The following SOX6 variants were observed in gnomAD, a reference collection of about 807,000 sequenced individuals.
SOX6 encodes the protein SRY-box transcription factor 6, also known as transcription factor SOX-6.
Under a neutral mutation model 97.8 loss-of-function variants are expected in SOX6, and 11 were observed. The ratio of observed to expected loss-of-function variants is 0.11; its 90% CI spans 0.07 to 0.19. The LOEUF (loss-of-function observed/expected upper bound fraction) is 0.19, where lower values mean the gene tolerates loss of function less well. Ranked by LOEUF, SOX6 falls within the 10% of genes least tolerant of loss-of-function variation. The pLI is 1.00. For missense variants in SOX6, 810 were observed against 1,039.5 expected, an observed-to-expected ratio of 0.78 and a Z score of 3.04; for synonymous variants, 360 against 371.4, an observed-to-expected ratio of 0.97 and a Z score of 0.35.
At chr11:16,131,092 GA>G (rs375795103) in intron 6 of SOX6, among the ~76,000 whole-genome samples, 5 of 144,184 alleles carry the variant, frequency 3.5e-5, no homozygotes, top group Middle Eastern at 3.5e-3. Flanking sequence ...AACCAGAACA[GA>G]AAAAAAAAAT....
intron 3 of SOX6, among the ~76,000 whole-genome samples, chr11:16,703,512 GT>G (rs1474611798): frequency 6.6e-6 from 1 of 151,984 alleles, no homozygotes; most frequent in Non-Finnish European, 1.5e-5. Flanking sequence ...TACAAAGACA[GT>G]TTTTGCTTTT....
chr11:15,993,709 T>A (rs1303282207), intron 13 of SOX6, among the ~76,000 whole-genome samples: 1 of 152,226 alleles, frequency 6.6e-6, no homozygotes, highest in Non-Finnish European at 1.5e-5. Flanking sequence ...AAACTTTCGG[T>A]TAGATTAAAG....
chr11:16,540,011 A>G (rs904960116), intron 4 of SOX6, among the ~76,000 whole-genome samples: 1 of 152,298 alleles, frequency 6.6e-6, no homozygotes, highest in Admixed American at 6.5e-5. Flanking sequence ...GCAGGGACAC[A>G]ACAAAAAAAA....
In SOX6 at chr11:16,300,385, A is replaced by G. The variant is rs1855224061; in HGVS notation, c.445+18061T>C. Among the ~76,000 whole-genome samples the G allele has an allele frequency of 2.6e-5, 4 of 152,156 alleles. No individual in the cohort carries two copies. The South Asian group carries it at 8.3e-4, about 31-fold the overall frequency. ...TGCATACCTAGCATTTTTATTATGT[A>G]TTATAACATTTTGCTCAGAGCTGAC... is the stretch of plus-strand genomic sequence containing the variant. On this transcript the variant is annotated intron_variant, in intron 3 of 15. Transcript: ENST00000683767. The surrounding 1 kb of genome is among the most constrained non-coding windows in gnomAD (Gnocchi z 4.1).
intron 4 of SOX6, among the ~76,000 whole-genome samples, chr11:16,569,287 TAAAAC>T (rs1360320327): frequency 3.3e-5 from 5 of 152,166 alleles, no homozygotes; most frequent in Admixed American, 6.5e-5. Flanking sequence ...CAAAATTAAA[TAAAAC>T]AAAATGCCAG....
chr11:16,665,046 G>T (rs1406237767), intron 3 of SOX6, among the ~76,000 whole-genome samples: 2 of 151,958 alleles, frequency 1.3e-5, no homozygotes, highest in Non-Finnish European at 2.9e-5. Flanking sequence ...ATCAGCAGGG[G>T]TAACCAGACA....
intron 6 of SOX6, among the ~76,000 whole-genome samples, chr11:16,155,385 C>T (rs1449569228): frequency 6.6e-6 from 1 of 152,166 alleles, no homozygotes; most frequent in Non-Finnish European, 1.5e-5. Flanking sequence ...TTACCTACCT[C>T]AATGGGCTAT....
chr11:16,526,086 G>A (rs1861158409), intron 4 of SOX6, among the ~76,000 whole-genome samples: 1 of 152,274 alleles, frequency 6.6e-6, no homozygotes, highest in South Asian at 2.1e-4. Context: ...CGATTCCTCA[G>A]GGATCTAGAA....
At chr11:16,595,574 C>G (rs1026385112) in intron 4 of SOX6, among the ~76,000 whole-genome samples, 16 of 149,844 alleles carry the variant, frequency 1.1e-4, no homozygotes, top group African/African-American at 3.9e-4. Context: ...AGTTCAAGAC[C>G]CCCCTGGGCA....
At chr11:16,612,690 G>A (rs1188674637) in intron 3 of SOX6, among the ~76,000 whole-genome samples, 1 of 152,002 alleles carries the variant, frequency 6.6e-6, no homozygotes, top group African/African-American at 2.4e-5. Flanking sequence ...GCACAGACAC[G>A]AACTAAGACA....
chr11:16,164,237 A>G (rs1292759040), intron 6 of SOX6, among the ~76,000 whole-genome samples: 8 of 152,144 alleles, frequency 5.3e-5, no homozygotes, highest in Admixed American at 4.6e-4. Flanking sequence ...CCACAGTGTT[A>G]GGATTACAGG....
chr11:16,345,422 A>G (rs1421223832), intron 1 of SOX6, among the ~76,000 whole-genome samples: 3 of 152,096 alleles, frequency 2.0e-5, no homozygotes, highest in East Asian at 3.9e-4. Context: ...GGCCATTGGG[A>G]AGAACTTCGG....
intron 1 of SOX6, among the ~76,000 whole-genome samples, chr11:16,446,352 G>T (rs1456500382): frequency 6.6e-6 from 1 of 152,016 alleles, no homozygotes; most frequent in Non-Finnish European, 1.5e-5. Flanking sequence ...AATGTGGCAG[G>T]GTTTGGAGAG....
intron 6 of SOX6, among the ~76,000 whole-genome samples, chr11:16,132,371 AAAG>A (rs1849794712): frequency 8.6e-5 from 8 of 93,220 alleles, no homozygotes; most frequent in African/African-American, 2.8e-4. Flanking sequence ...AGAAAGAAAG[AAAG>A]AAAGAAAGAA....
chr11:16,192,137 C>T (rs186464065), intron 4 of SOX6, among the ~76,000 whole-genome samples: 82 of 152,278 alleles, frequency 5.4e-4, no homozygotes, highest in African/African-American at 1.8e-3. Context: ...TGTATTTTAT[C>T]CTCCTCCAGA....
chr11:16,591,597 T>TTCA, intron 4 of SOX6, among the ~76,000 whole-genome samples: 1 of 152,226 alleles, frequency 6.6e-6, no homozygotes, highest in East Asian at 1.9e-4. Flanking sequence ...TACAAAAATT[T>TTCA]TCATCTATTT....
chr11:16,242,939 G>A (rs562912934), intron 3 of SOX6, among the ~76,000 whole-genome samples: 1 of 151,734 alleles, frequency 6.6e-6, no homozygotes, highest in South Asian at 2.1e-4. Context: ...TCTTCTTTTT[G>A]TCCAAATGAG....
intron 9 of SOX6, among the ~76,000 whole-genome samples, chr11:16,089,421 G>A (rs893887480): frequency 6.6e-6 from 1 of 152,062 alleles, no homozygotes; most frequent in Non-Finnish European, 1.5e-5. Context: ...TACCCACATA[G>A]CACCTGATAC....
intron 7 of SOX6, among the ~76,000 whole-genome samples, chr11:16,102,919 A>T (rs1848985214): frequency 1.3e-5 from 2 of 152,096 alleles, no homozygotes; most frequent in Non-Finnish European, 2.9e-5. Context: ...AACCATAAAG[A>T]TTCTAGAAGA....
Sources: gnomAD v4.1 joint callset for allele counts (sites outside exome capture counted in the v4.1 genomes callset) on GRCh38, gnomAD v4.1.1 for gene constraint, Gnocchi (gnomAD v3.1) non-coding constraint, MANE v1.5 for transcripts, NCBI Gene and HGNC (gene_info 2026-07-23, HGNC 2026-07-21) for gene names.